The following SMARCA4 variants were observed in gnomAD, a reference collection of about 807,000 sequenced individuals.
SMARCA4 encodes SWI/SNF related BAF chromatin remodeling complex subunit ATPase 4.
In SMARCA4, 31 loss-of-function variants were observed where a neutral mutation model predicts 193.9. The observed-to-expected ratio is 0.16, with a 90% CI of 0.12 to 0.22. The LOEUF is 0.22. SMARCA4 is among the 10% of genes least tolerant of loss of function. The pLI, the probability that SMARCA4 is intolerant of heterozygous loss-of-function variation, is 1.00. For synonymous variants in SMARCA4, 942 were observed against 933.1 expected, an observed-to-expected ratio of 1.01 and a Z score of -0.17; for missense variants, 1,148 against 2,296.0, an observed-to-expected ratio of 0.50 and a Z score of 10.22.
At chr19:10,990,019 G>A (rs993541279) in intron 7 of SMARCA4, among the ~76,000 whole-genome samples, 3 of 151,430 alleles carry the variant, frequency 2.0e-5, no homozygotes, top group African/African-American at 7.3e-5. Flanking sequence ...TATTTCTGAG[G>A]GTACTGTGCT....
intron 30 of SMARCA4, among the ~76,000 whole-genome samples, chr19:11,051,372 C>T (rs890883396): frequency 3.9e-5 from 6 of 152,200 alleles, no homozygotes; most frequent in African/African-American, 1.4e-4. Flanking sequence ...CCGCTCGTGC[C>T]TTTCCCTCCT....
chr19:11,010,595 T>C (rs946234890), intron 15 of SMARCA4, 64 bp downstream of exon 15: 16 of 1,546,378 alleles, frequency 1.0e-5, no homozygotes, highest in Non-Finnish European at 1.4e-5. Flanking sequence ...TCCCAGGTGG[T>C]GCGGGCTTCA....
intron 30 of SMARCA4, among the ~76,000 whole-genome samples, chr19:11,051,205 A>G (rs943513186): frequency 1.9e-4 from 29 of 152,170 alleles, no homozygotes; most frequent in African/African-American, 6.3e-4. Context: ...TCTCCCCCTC[A>G]GTGATAGAGA....
chr19:11,027,709 C>T lies in SMARCA4; in HGVS notation c.3216-75C>T, dbSNP rs2090363755. 4 of 1,549,876 alleles carry T rather than the reference C, an allele frequency of 2.6e-6. No homozygotes were observed. In the South Asian group the frequency reaches 3.3e-5, roughly 13 times the overall value. On this transcript the variant is annotated intron_variant, in intron 23 of 34. Transcript: ENST00000344626. ...GCCTGGCCTGGAGGCGGGCGATGCACCTCCTGCCTTACCTGCCTGCAGGGT... is the reference window on the plus strand; with the variant it reads ...GCCTGGCCTGGAGGCGGGCGATGCATCTCCTGCCTTACCTGCCTGCAGGGT...
intron 24 of SMARCA4, among the ~76,000 whole-genome samples, chr19:11,029,521 G>T (rs1238341951): frequency 6.6e-6 from 1 of 152,226 alleles, no homozygotes; most frequent in Non-Finnish European, 1.5e-5. Flanking sequence ...GAGCCGGGTG[G>T]CCCCTCACCT....
In SMARCA4 at chr19:11,019,250, G is replaced by C. The variant is rs572922111; in HGVS notation, c.2505+227G>C. 36 of 634,144 alleles carry C rather than the reference G, an allele frequency of 5.7e-5. No homozygotes were observed. The African/African-American group carries it at 5.8e-4, about 10-fold the overall frequency. The allele number at this position is 634,144 out of a possible 1,614,324, so 39.3% of individuals were successfully genotyped here. A position where few individuals can be genotyped will look rare whatever the true frequency, so the allele number is the denominator to read the frequency against. On this transcript the variant is annotated intron_variant, in intron 17 of 34. Coordinates refer to ENST00000344626, the MANE Select transcript of SMARCA4 (RefSeq NM_003072.5). The surrounding 1 kb of genome is among the most constrained non-coding windows in gnomAD (Gnocchi z 6.1). ...GGAGGAGACAGGAGTGAGCATGGTG[G>C]CCAGCACTCAGAGGCCAGCTCAGGC...
chr19:11,058,220 A>G lies in SMARCA4; in HGVS notation c.4425-35A>G, dbSNP rs8104480. ...GGGGTGGGGGCTCCCGGGTGGGCGG[A>G]CTCGGGGGTGATAGCCGCCGGTTCT... On this transcript the variant is annotated intron_variant, in intron 30 of 34. Coordinates refer to ENST00000344626, the MANE Select transcript of SMARCA4 (RefSeq NM_003072.5). This position sits in a 1 kb window ranked among gnomAD's most constrained non-coding sequence, Gnocchi z 5.8. 0.36 allele frequency: 532,628 copies of G among 1,464,814 alleles called. 101,537 individuals are homozygous for G. The highest frequency in any genetic ancestry group is 0.56 in the African/African-American group (39,962 of 71,452). 90.7% of individuals were successfully genotyped at this position (1,464,814 alleles called of 1,614,324 possible).
chr19:10,963,629 C>G (rs781676787), intron 1 of SMARCA4, among the ~76,000 whole-genome samples: 1 of 152,110 alleles, frequency 6.6e-6, no homozygotes, highest in Non-Finnish European at 1.5e-5. Context: ...AAGCGAGGCG[C>G]TTAGCAGTAG....
At chr19:11,050,040 G>A (rs1194570622) in intron 30 of SMARCA4, among the ~76,000 whole-genome samples, 4 of 152,126 alleles carry the variant, frequency 2.6e-5, no homozygotes, top group Admixed American at 6.5e-5. Context: ...AGGAGGTTTC[G>A]GTGAGCCAAG....
In SMARCA4 at chr19:11,005,116, G is replaced by T. The variant is rs192409612; in HGVS notation, c.2001+1719G>T. 5.3e-5 allele frequency among the ~76,000 whole-genome samples: 8 copies of T among 152,272 alleles called. No homozygotes were observed. In the East Asian group the frequency reaches 1.5e-3, roughly 29 times the overall value. On this transcript the variant is annotated intron_variant, in intron 13 of 34. Transcript: ENST00000344626. Reference sequence around the variant, plus strand: ...CTCCCAAAGTGTTGGGATTACAGGCGTGAGCCACCACGCCTGGCCTCTCCT... The same window carrying T: ...CTCCCAAAGTGTTGGGATTACAGGCTTGAGCCACCACGCCTGGCCTCTCCT...
rs188691585 is a variant in SMARCA4, at chr19:10,967,933, A to G, written c.-32+6759A>G. Among the ~76,000 whole-genome samples the G allele has an allele frequency of 2.0e-3, 303 of 150,138 alleles. 2 individuals are homozygous for G. The highest frequency in any genetic ancestry group is 6.8e-3 in the Middle Eastern group (2 of 292). Reference sequence around the variant, plus strand: ...GCTTAGTTGCCCAGGCTGGAGTGCAATGGCACGATCTTGGCTCACTGCAAT... The same window carrying G: ...GCTTAGTTGCCCAGGCTGGAGTGCAGTGGCACGATCTTGGCTCACTGCAAT... On this transcript the variant is annotated intron_variant, in intron 1 of 34. Coordinates refer to ENST00000344626, the MANE Select transcript of SMARCA4 (RefSeq NM_003072.5).
chr19:10,987,829 C>T lies in SMARCA4; in HGVS notation c.1023C>T (p.Pro341=), dbSNP rs1484876512. 6.2e-7 allele frequency: 1 copy of T among 1,610,136 alleles called. No individual in the cohort carries two copies. Among genetic ancestry groups the T allele is most frequent in the South Asian group, 1.1e-5 (1 of 90,632 alleles). The change falls in exon 6 of 35, where the codon CCC becomes CCT. Residue 341 remains proline (P), a synonymous_variant. Coordinates refer to ENST00000344626, the MANE Select transcript of SMARCA4 (RefSeq NM_003072.5). The surrounding 1 kb of genome is among the most constrained non-coding windows in gnomAD (Gnocchi z 5.3). ...QSPGQPAQPA[P]MVPLHQKQSR... is the part of the protein sequence containing the mutation. ...CCGGGCAGCCGGCCCAGCCCGCGCC[C>T]ATGGTGCCACTGCACCAGAAGCAGA...
chr19:11,028,882 C>G (rs568094122), intron 24 of SMARCA4, among the ~76,000 whole-genome samples: 121 of 152,316 alleles, frequency 7.9e-4, no homozygotes, highest in African/African-American at 2.9e-3. Flanking sequence ...GTTCCCTACA[C>G]GACCTCCCAG....
intron 11 of SMARCA4, among the ~76,000 whole-genome samples, chr19:10,998,624 T>G (rs1040921068): frequency 6.6e-6 from 1 of 152,130 alleles, no homozygotes; most frequent in African/African-American, 2.4e-5. Flanking sequence ...AAGCTTTCTC[T>G]TTGGTCCTGT....
intron 16 of SMARCA4, among the ~76,000 whole-genome samples, chr19:11,016,970 C>T (rs756138627): frequency 7.9e-5 from 12 of 152,032 alleles, no homozygotes; most frequent in Non-Finnish European, 1.3e-4. Flanking sequence ...AGACCTGGGT[C>T]CTGGATGGGC....
In SMARCA4 at chr19:10,986,951, C is replaced by G. The variant is rs1404558986; in HGVS notation, c.807C>G (p.Pro269=). The G allele has an allele frequency of 1.2e-6, 2 of 1,610,838 alleles. No individual in the cohort carries two copies. The highest frequency in any genetic ancestry group is 1.1e-5 in the South Asian group (1 of 91,088). The change falls in exon 5 of 35, where the codon CCC becomes CCG. Residue 269 remains proline (P), a synonymous_variant. Transcript: ENST00000344626. This position sits in a 1 kb window ranked among gnomAD's most constrained non-coding sequence, Gnocchi z 6.7. The part of the protein sequence containing the change: ...NMPPPGPSGV[P]PGMPGQPPGG... ...CTCCCCCAGGACCCTCGGGCGTGCC[C>G]CCCGGGATGCCAGGCCAGCCTCCTG...
At chr19:11,044,037 C>G (rs1325243836) in intron 30 of SMARCA4, among the ~76,000 whole-genome samples, 1 of 152,138 alleles carries the variant, frequency 6.6e-6, no homozygotes, top group African/African-American at 2.4e-5. Flanking sequence ...ATGACAGACC[C>G]TCCCCATGTT....
intron 12 of SMARCA4, 90 bp from the exon 13 acceptor site, chr19:11,003,250 T>G: frequency 6.2e-7 from 1 of 1,606,942 alleles, no homozygotes; most frequent in Non-Finnish European, 8.5e-7. Context: ...GCAATTTTAC[T>G]TCTGTTTGAA....
At chr19:10,997,869 T>C (rs749945813) in intron 11 of SMARCA4, among the ~76,000 whole-genome samples, 9 of 152,230 alleles carry the variant, frequency 5.9e-5, no homozygotes, top group Admixed American at 1.3e-4. Flanking sequence ...CAAGGTTGTT[T>C]CTGCACACTG....
Sources: gnomAD v4.1 joint callset for allele counts (sites outside exome capture counted in the v4.1 genomes callset) on GRCh38, gnomAD v4.1.1 for gene constraint, Gnocchi (gnomAD v3.1) non-coding constraint, MANE v1.5 for transcripts, NCBI Gene and HGNC (gene_info 2026-07-23, HGNC 2026-07-21) for gene names.